The following MAPK10 variants were observed in gnomAD, a reference collection of about 807,000 sequenced individuals.
MAPK10 encodes JNK3 alpha protein kinase.
Under a neutral mutation model 59.3 loss-of-function variants are expected in MAPK10, and 25 were observed. The observed-to-expected ratio is 0.42, with a 90% confidence interval of 0.31 to 0.59. The LOEUF is 0.59. Ranked by LOEUF, MAPK10 falls within the 20% of genes least tolerant of loss-of-function variation. The pLI is 0.15. For synonymous variants in MAPK10, 190 were observed against 200.5 expected (o/e 0.95, Z 0.44); for missense variants, 351 against 568.9 (o/e 0.62, Z 3.90).
intron 2 of MAPK10, among the ~76,000 whole-genome samples, chr4:86,241,518 G>T (rs2148688301): frequency 6.6e-6 from 1 of 152,058 alleles, no homozygotes; most frequent in Admixed American, 6.5e-5. Flanking sequence ...TGGAGGCTTT[G>T]TTCATTCCTT....
intron 1 of MAPK10, among the ~76,000 whole-genome samples, chr4:86,508,975 C>G (rs1756003159): frequency 6.6e-6 from 1 of 152,046 alleles, no homozygotes; most frequent in South Asian, 2.1e-4. Flanking sequence ...TTGTTTTTTT[C>G]TTAGAATTCA....
chr4:86,345,209 A>G lies in MAPK10; in HGVS notation c.-7+9321T>C, dbSNP rs373981037. ...CCTCTTCCCCTCGTAGCTGCTTTGC[A>G]TCCTCATGGAGTCCTTCACTAGCCA... On this transcript the variant is annotated intron_variant, in intron 2 of 13. Coordinates refer to ENST00000641462, the MANE Select transcript of MAPK10 (RefSeq NM_138982.4). 3.6e-4 allele frequency among the ~76,000 whole-genome samples: 55 copies of G among 152,294 alleles called. 2 individuals are homozygous for G. In the South Asian group the frequency reaches 0.011, roughly 32 times the overall value.
At position 86,102,051 on chromosome 4, in the gene MAPK10, A is replaced by G; in HGVS notation, c.426-19T>C. Reference sequence around the variant, plus strand: ...TAAGTAACTAGAAGGGTGAATCCACAGTGTTAGTTCCAGATCACAAGATCT... The same window carrying G: ...TAAGTAACTAGAAGGGTGAATCCACGGTGTTAGTTCCAGATCACAAGATCT... On this transcript the variant is annotated intron_variant, in intron 6 of 13. Coordinates refer to ENST00000641462, the MANE Select transcript of MAPK10 (RefSeq NM_138982.4). The G allele has an allele frequency of 6.2e-7, 1 of 1,612,126 alleles. No individual in the cohort carries two copies. Among genetic ancestry groups the G allele is most frequent in the South Asian group, 1.1e-5 (1 of 91,004 alleles).
At chr4:86,128,668 C>T (rs74323209) in intron 4 of MAPK10, among the ~76,000 whole-genome samples, 7,461 of 152,088 alleles carry the variant, frequency 0.049, 611 homozygotes, top group African/African-American at 0.17. Context: ...CAATTATAAT[C>T]TTGTTGTAGT....
At chr4:86,339,169 T>C (rs2148933822) in intron 2 of MAPK10, among the ~76,000 whole-genome samples, 1 of 152,208 alleles carries the variant, frequency 6.6e-6, no homozygotes, top group South Asian at 2.1e-4. Context: ...ACCAGGGACA[T>C]TCAGGGTCTA....
chr4:86,266,982 C>A (rs962964125), intron 2 of MAPK10, among the ~76,000 whole-genome samples: 9 of 151,940 alleles, frequency 5.9e-5, no homozygotes, highest in South Asian at 2.1e-4. Context: ...TATGTATTTT[C>A]TTTTAAATTG....
At chr4:86,587,503 T>C (rs917466210) in intron 1 of MAPK10, among the ~76,000 whole-genome samples, 2 of 152,222 alleles carry the variant, frequency 1.3e-5, no homozygotes, top group African/African-American at 4.8e-5. Context: ...CTGTCAGAAT[T>C]TGTGCTTCAA....
At chr4:86,257,385 C>T (rs2093789459) in intron 2 of MAPK10, among the ~76,000 whole-genome samples, 1 of 152,186 alleles carries the variant, frequency 6.6e-6, no homozygotes, top group South Asian at 2.1e-4. Flanking sequence ...TGTACCATAT[C>T]CACTCACAGT....
At chr4:86,540,329 T>C (rs1213715811) in intron 1 of MAPK10, among the ~76,000 whole-genome samples, 1 of 152,156 alleles carries the variant, frequency 6.6e-6, no homozygotes, top group African/African-American at 2.4e-5. Flanking sequence ...CGAAACTCTG[T>C]CTGTACGAAA....
chr4:86,197,139 T>A lies in MAPK10; in HGVS notation c.-6-2732A>T, dbSNP rs530769750. On this transcript the variant is annotated intron_variant, in intron 2 of 13. Transcript: ENST00000641462. Reference sequence around the variant, plus strand: ...GATGAGGATAGCATTGATCTATAAATTACTTTGGGCAGTATGGCCATTTTC... The same window carrying A: ...GATGAGGATAGCATTGATCTATAAAATACTTTGGGCAGTATGGCCATTTTC... 5.3e-3 allele frequency among the ~76,000 whole-genome samples: 805 copies of A among 152,344 alleles called. 5 individuals are homozygous for A. The highest frequency in any genetic ancestry group is 7.3e-3 in the Non-Finnish European group (495 of 68,026).
intron 13 of MAPK10, chr4:86,020,261 C>T (rs1460347905): frequency 6.6e-6 from 1 of 152,202 alleles, no homozygotes; most frequent in East Asian, 1.9e-4. Context: ...ATCTGTATTT[C>T]ATATCTTTGT....
At chr4:86,383,409 C>A (rs1741030317) in intron 1 of MAPK10, among the ~76,000 whole-genome samples, 1 of 152,136 alleles carries the variant, frequency 6.6e-6, no homozygotes, top group African/African-American at 2.4e-5. Flanking sequence ...ACTCATTTAC[C>A]CTTTGAGCTC....
rs554373057 is a variant in MAPK10, at chr4:86,410,012, G to C, written c.-122+43018C>G. Among the ~76,000 whole-genome samples, 319 of 152,160 alleles carry C rather than the reference G, an allele frequency of 2.1e-3. 1 individual carries two copies. Among genetic ancestry groups the C allele is most frequent in the African/African-American group, 7.3e-3 (302 of 41,538 alleles). ...AAAGGGAATACTTCCAGTTTTTGCC[G>C]ATTCAGTATGGTATTGGCTGTGGGT... On this transcript the variant is annotated intron_variant, in intron 1 of 13. Transcript: ENST00000361569.
At chr4:86,265,797 G>T (rs1330877424) in intron 2 of MAPK10, among the ~76,000 whole-genome samples, 3 of 152,066 alleles carry the variant, frequency 2.0e-5, no homozygotes, top group Non-Finnish European at 4.4e-5. Context: ...CTTTTAATAA[G>T]TTTTTTTCTG....
intron 1 of MAPK10, among the ~76,000 whole-genome samples, chr4:86,365,856 G>A (rs1252492143): frequency 6.8e-6 from 1 of 147,056 alleles, no homozygotes; most frequent in Non-Finnish European, 1.5e-5. Context: ...TCAATCATAA[G>A]AGTTTTTGAA....
intron 2 of MAPK10, among the ~76,000 whole-genome samples, chr4:86,259,625 G>A (rs1279407242): frequency 2.0e-5 from 3 of 152,024 alleles, no homozygotes; most frequent in African/African-American, 7.2e-5. Flanking sequence ...ATCAAAGAAA[G>A]CCTTGCTTTC....
At chr4:86,126,360 A>G (rs1384123058) in intron 4 of MAPK10, among the ~76,000 whole-genome samples, 1 of 152,062 alleles carries the variant, frequency 6.6e-6, no homozygotes, top group Admixed American at 6.6e-5. Flanking sequence ...ATTATGATAT[A>G]CTTGTCATCT....
At chr4:86,379,309 C>T (rs549810284) in intron 1 of MAPK10, among the ~76,000 whole-genome samples, 2 of 152,310 alleles carry the variant, frequency 1.3e-5, no homozygotes, top group Admixed American at 1.3e-4. Context: ...AATCATTTTG[C>T]ATGTGAATAA....
chr4:86,131,659 A>G (rs2149141312), intron 4 of MAPK10, among the ~76,000 whole-genome samples: 1 of 152,326 alleles, frequency 6.6e-6, no homozygotes, highest in East Asian at 1.9e-4. Flanking sequence ...CAATTAGTCA[A>G]TTGTTTCAGC....
Sources: gnomAD v4.1 joint callset for allele counts (sites outside exome capture counted in the v4.1 genomes callset) on GRCh38, gnomAD v4.1.1 for gene constraint, MANE v1.5 for transcripts, NCBI Gene and HGNC (gene_info 2026-07-23, HGNC 2026-07-21) for gene names.